Variants in DACH2 observed in about 807,000 individuals in gnomAD.
DACH2 encodes the protein dachshund homolog 2.
DACH2 carries 17 observed loss-of-function variants against 35.8 expected under a neutral mutation model. The observed-to-expected ratio is 0.48, with a 90% confidence interval of 0.33 to 0.71. The LOEUF is 0.71. Among genes scored for constraint, DACH2 ranks in the 30% least tolerant of loss-of-function variants. The pLI, the probability that DACH2 is intolerant of heterozygous loss-of-function variation, is 0.02. For synonymous variants in DACH2, 195 were observed against 177.3 expected, an observed-to-expected ratio of 1.10 and a Z score of -0.79; for missense variants, 469 against 472.7, an observed-to-expected ratio of 0.99 and a Z score of 0.07.
chrX:86,758,733 G>T (rs1383308902), intron 7 of DACH2, among the ~76,000 whole-genome samples: 2 of 111,966 alleles, frequency 1.8e-5, no homozygotes, highest in Non-Finnish European at 3.8e-5. Context: ...GTAAATGTCT[G>T]TTAGGTCTAT....
rs181276270 is a variant in DACH2 at position 86,327,116 on chromosome X, T to A, written c.489-49708T>A. Among the ~76,000 whole-genome samples, 16 of 112,263 alleles carry A rather than the reference T, an allele frequency of 1.4e-4. 1 individual carries two copies. In the East Asian group the frequency reaches 3.9e-3, roughly 28 times the overall value. On this transcript the variant is annotated intron_variant, in intron 1 of 11. Coordinates refer to ENST00000373125, the MANE Select transcript of DACH2 (RefSeq NM_053281.3). The stretch of plus-strand genomic sequence containing the variant: ...GGATAAAATTATACAATTACTTTTT[T>A]AAAAATAAGCATTCTCTGGTAGTAG...
At chrX:86,732,847 T>C (rs1353333890) in intron 6 of DACH2, among the ~76,000 whole-genome samples, 1 of 111,668 alleles carries the variant, frequency 9.0e-6, no homozygotes, top group East Asian at 2.8e-4. Context: ...TGGCTTCCTC[T>C]ATGTAGGTTC....
At chrX:86,582,797 G>A (rs1204649160) in intron 3 of DACH2, among the ~76,000 whole-genome samples, 1 of 109,667 alleles carries the variant, frequency 9.1e-6, no homozygotes, top group South Asian at 3.9e-4. Flanking sequence ...AGAAGAGCGG[G>A]TACCATTCCT....
At chrX:86,391,921 GA>G (rs1244930336) in intron 2 of DACH2, among the ~76,000 whole-genome samples, 3 of 111,120 alleles carry the variant, frequency 2.7e-5, no homozygotes, top group Non-Finnish European at 3.8e-5. Context: ...AATGGAACAT[GA>G]TTTTTTTTGC....
chrX:86,504,048 A>C (rs1467161702), intron 2 of DACH2, among the ~76,000 whole-genome samples: 1 of 107,464 alleles, frequency 9.3e-6, no homozygotes, highest in African/African-American at 3.4e-5. Flanking sequence ...ATGACTATTC[A>C]TTTAAATTGG....
At chrX:86,495,935 T>C (rs1251323235) in intron 2 of DACH2, among the ~76,000 whole-genome samples, 1 of 111,648 alleles carries the variant, frequency 9.0e-6, no homozygotes, top group East Asian at 2.8e-4. Context: ...ATAGGTACAA[T>C]AATATACCGA....
chrX:86,735,130 A>C (rs951831094), intron 6 of DACH2, among the ~76,000 whole-genome samples: 3 of 112,059 alleles, frequency 2.7e-5, no homozygotes, highest in African/African-American at 6.4e-5. Flanking sequence ...AGGAAATTCA[A>C]CGTTGAGACA....
chrX:86,695,046 A>C lies in DACH2; in HGVS notation c.798A>C (p.Lys266Asn). ...NTGGSESSWD[K>N]DKMQSPFAAP... is the part of the protein sequence containing the mutation. ...GTGGAAGTGAATCCTCCTGGGATAA[A>C]GATAAGATGCAGTCTCCATTTGCTG... Residue 266 changes from lysine to asparagine, a missense_variant, in exon 5 of 12, where the codon AAA becomes AAC. Lys to Asn is a moderately conservative substitution (Grantham distance 94). Around this residue, in one of 3 missense-constraint regions of DACH2, gnomAD observed 363 missense variants for 334.4 expected, o/e 1.09. Transcript: ENST00000373125. 5 of 1,114,462 alleles carry C rather than the reference A, an allele frequency of 4.5e-6. No homozygotes were observed. The highest frequency in any genetic ancestry group is 5.9e-6 in the Non-Finnish European group (5 of 844,172). 91.8% of individuals were successfully genotyped at this position (1,114,462 alleles called of 1,213,427 possible).
chrX:86,328,965 A>G (rs2035163410), intron 1 of DACH2, among the ~76,000 whole-genome samples: 1 of 111,657 alleles, frequency 9.0e-6, no homozygotes, highest in African/African-American at 3.3e-5. Context: ...TGCATTAAAG[A>G]TCAGAGTGTT....
intron 1 of DACH2, among the ~76,000 whole-genome samples, chrX:86,349,883 A>G (rs987958007): frequency 5.4e-5 from 6 of 111,960 alleles, no homozygotes; most frequent in African/African-American, 2.0e-4. Context: ...CAGTTAGTTC[A>G]GGCCAGGTGT....
At chrX:86,324,324 T>A (rs750454649) in intron 1 of DACH2, among the ~76,000 whole-genome samples, 1 of 111,732 alleles carries the variant, frequency 8.9e-6, no homozygotes, top group Non-Finnish European at 1.9e-5. Context: ...TTCCTATGGA[T>A]GACCAAAGAC....
At chrX:86,413,150 C>T (rs1023384158) in intron 2 of DACH2, among the ~76,000 whole-genome samples, 2 of 111,930 alleles carry the variant, frequency 1.8e-5, no homozygotes, top group Admixed American at 9.5e-5. Flanking sequence ...ATGCAAATGT[C>T]TCACCAATAA....
At chrX:86,589,388 A>G (rs1054622703) in intron 3 of DACH2, among the ~76,000 whole-genome samples, 5 of 111,215 alleles carry the variant, frequency 4.5e-5, no homozygotes, top group African/African-American at 1.6e-4. Flanking sequence ...TAAAAAAATC[A>G]TATTATTTAT....
intron 1 of DACH2, among the ~76,000 whole-genome samples, chrX:86,279,113 C>A (rs1443401159): frequency 1.8e-5 from 2 of 111,656 alleles, no homozygotes; most frequent in Non-Finnish European, 3.8e-5. Context: ...GCTGTGGGTG[C>A]AGCTTCAGCA....
intron 2 of DACH2, among the ~76,000 whole-genome samples, chrX:86,409,486 G>A (rs1462499696): frequency 2.7e-5 from 3 of 111,006 alleles, no homozygotes. Context: ...TGCTGTCCTT[G>A]TGATAGCAAG....
intron 2 of DACH2, among the ~76,000 whole-genome samples, chrX:86,392,940 G>T (rs763019691): frequency 1.8e-5 from 2 of 110,877 alleles, no homozygotes; most frequent in African/African-American, 6.6e-5. Flanking sequence ...TTTGGCTGTC[G>T]CAATGGGTGG....
At chrX:86,295,070 C>T (rs138267014) in intron 1 of DACH2, among the ~76,000 whole-genome samples, 1 of 112,653 alleles carries the variant, frequency 8.9e-6, no homozygotes, top group African/African-American at 3.2e-5. Flanking sequence ...AGCAATCAGC[C>T]AGACTCCGTG....
At chrX:86,548,631 A>G (rs1602634617) in intron 3 of DACH2, among the ~76,000 whole-genome samples, 1 of 111,989 alleles carries the variant, frequency 8.9e-6, no homozygotes, top group South Asian at 3.7e-4. Flanking sequence ...AATACTACTG[A>G]CACGTGAAAC....
chrX:86,231,003 G>T (rs1188781539), intron 1 of DACH2, among the ~76,000 whole-genome samples: 2 of 111,793 alleles, frequency 1.8e-5, no homozygotes, highest in Admixed American at 9.5e-5. Context: ...TCTGATCTTG[G>T]TTATTCCCTT....
Sources: gnomAD v4.1 joint callset for allele counts (sites outside exome capture counted in the v4.1 genomes callset) on GRCh38, gnomAD v4.1.1 for gene constraint, gnomAD v4.1.1 regional missense constraint, MANE v1.5 for transcripts, NCBI Gene and HGNC (gene_info 2026-07-23, HGNC 2026-07-21) for gene names.